The following KIAA1217 variants were observed in gnomAD, a reference collection of about 807,000 sequenced individuals.
KIAA1217 encodes sickle tail protein homolog.
KIAA1217 carries 88 observed loss-of-function variants against 163.9 expected under a neutral mutation model. That is an observed-to-expected ratio of 0.54 (90% CI 0.45 to 0.64). The LOEUF is 0.64. KIAA1217 is among the 30% of genes least tolerant of loss of function. KIAA1217 has a pLI of 0.00. For missense variants in KIAA1217, 2,372 were observed against 2,475.0 expected, an observed-to-expected ratio of 0.96 and a Z score of 0.88; for synonymous variants, 903 against 923.1, an observed-to-expected ratio of 0.98 and a Z score of 0.39.
chr10:23,831,381 C>T (rs1838189789), intron 1 of KIAA1217, among the ~76,000 whole-genome samples: 1 of 151,468 alleles, frequency 6.6e-6, no homozygotes, highest in Admixed American at 6.6e-5. Context: ...GGCAAATGAA[C>T]CATACATCCA....
chr10:24,274,348 C>G (rs1394411420), intron 2 of KIAA1217, among the ~76,000 whole-genome samples: 1 of 150,286 alleles, frequency 6.7e-6, no homozygotes, highest in African/African-American at 2.5e-5. Context: ...CCAAGTCCAG[C>G]TAATTTTTTT....
intron 1 of KIAA1217, among the ~76,000 whole-genome samples, chr10:23,778,582 C>T (rs1209046089): frequency 1.3e-5 from 2 of 152,112 alleles, no homozygotes; most frequent in Non-Finnish European, 2.9e-5. Context: ...ATCTTATGTG[C>T]TTGGTTAGGG....
intron 2 of KIAA1217, among the ~76,000 whole-genome samples, chr10:24,084,512 A>G (rs757860508): frequency 1.4e-4 from 21 of 152,248 alleles, no homozygotes; most frequent in Non-Finnish European, 2.4e-4. Flanking sequence ...AGCCATGAAA[A>G]TGAATGAGAT....
chr10:23,925,240 G>T (rs1452591814), intron 1 of KIAA1217, among the ~76,000 whole-genome samples: 3 of 152,126 alleles, frequency 2.0e-5, no homozygotes, highest in Admixed American at 6.5e-5. Context: ...ACTTACAAAG[G>T]CTGGCAATTT....
chr10:23,730,532 A>C (rs1205823010), intron 1 of KIAA1217, among the ~76,000 whole-genome samples: 1 of 152,122 alleles, frequency 6.6e-6, no homozygotes, highest in Non-Finnish European at 1.5e-5. Flanking sequence ...CTACAAAATA[A>C]TTTGCTAGGA....
At chr10:23,740,145 G>T (rs544823356) in intron 1 of KIAA1217, among the ~76,000 whole-genome samples, 10 of 152,152 alleles carry the variant, frequency 6.6e-5, no homozygotes, top group Non-Finnish European at 1.2e-4. Context: ...CTGGAGAAAT[G>T]ATATGAGATT....
At chr10:24,237,415 C>T (rs2072439683) in intron 2 of KIAA1217, among the ~76,000 whole-genome samples, 1 of 152,194 alleles carries the variant, frequency 6.6e-6, no homozygotes, top group Non-Finnish European at 1.5e-5. Context: ...GTTGCTTTCC[C>T]ATCTGAATTC....
chr10:23,934,625 A>ATTT lies in KIAA1217; in HGVS notation c.-320-72592_-320-72590dup, dbSNP rs1183009109. On this transcript the variant is annotated intron_variant, in intron 1 of 18. Coordinates refer to the KIAA1217 transcript ENST00000376462. ...TATATATGTATATATATATATATAT[A>ATTT]TTTTTTTTTTGAGACGGAGTCTCGC... 4.7e-4 allele frequency among the ~76,000 whole-genome samples: 32 copies of ATTT among 68,544 alleles called. 5 individuals are homozygous for ATTT. Among genetic ancestry groups the ATTT allele is most frequent in the African/African-American group, 2.5e-3 (27 of 10,844 alleles). The allele number at this position is 68,544 out of a possible 152,430, so 45.0% of individuals were successfully genotyped here.
chr10:24,269,656 TG>T (rs2076587075), intron 2 of KIAA1217, among the ~76,000 whole-genome samples: 1 of 152,026 alleles, frequency 6.6e-6, no homozygotes, highest in Non-Finnish European at 1.5e-5. Context: ...GCAAAATGAG[TG>T]GGGTTGGTTT....
intron 1 of KIAA1217, among the ~76,000 whole-genome samples, chr10:23,943,650 C>A (rs1452283928): frequency 6.6e-6 from 1 of 152,142 alleles, no homozygotes; most frequent in Non-Finnish European, 1.5e-5. Flanking sequence ...TATTGAGAAT[C>A]AAAGGTCCTA....
At chr10:23,877,507 A>G (rs1840750971) in intron 1 of KIAA1217, 1 of 151,626 alleles carries the variant, frequency 6.6e-6, no homozygotes, top group South Asian at 2.1e-4. Context: ...TGAGTGAGAC[A>G]ACGTCATAAT....
At chr10:24,378,003 T>C (rs1391525480) in intron 2 of KIAA1217, among the ~76,000 whole-genome samples, 1 of 152,152 alleles carries the variant, frequency 6.6e-6, no homozygotes, top group Non-Finnish European at 1.5e-5. Context: ...ATGGCTGCTG[T>C]CTTATCTTTT....
At chr10:24,107,324 GA>G (rs1347576416) in intron 2 of KIAA1217, among the ~76,000 whole-genome samples, 2 of 152,224 alleles carry the variant, frequency 1.3e-5, no homozygotes, top group South Asian at 4.1e-4. Context: ...TCACTATTGT[GA>G]ATAGTGCTGT....
intron 1 of KIAA1217, among the ~76,000 whole-genome samples, chr10:23,778,001 G>A (rs1835080664): frequency 6.6e-6 from 1 of 151,966 alleles, no homozygotes; most frequent in Admixed American, 6.6e-5. Flanking sequence ...GGAGTGCAGT[G>A]GTGTGATCTC....
chr10:23,747,489 T>A (rs1839475202), intron 1 of KIAA1217, among the ~76,000 whole-genome samples: 3 of 151,916 alleles, frequency 2.0e-5, no homozygotes, highest in Admixed American at 1.3e-4. Context: ...GGAAATATGC[T>A]CCCACATGAC....
At chr10:24,456,036 C>T (rs2061755029) in intron 5 of KIAA1217, among the ~76,000 whole-genome samples, 1 of 152,096 alleles carries the variant, frequency 6.6e-6, no homozygotes, top group Non-Finnish European at 1.5e-5. Flanking sequence ...AAGGCGTATG[C>T]CACCCCACCA....
chr10:24,085,417 G>C (rs911593353), intron 2 of KIAA1217, among the ~76,000 whole-genome samples: 3 of 152,138 alleles, frequency 2.0e-5, no homozygotes, highest in Non-Finnish European at 2.9e-5. Context: ...AATTGTTCAG[G>C]AGATGTGAAA....
chr10:23,842,598 T>G (rs1451098271), intron 1 of KIAA1217, among the ~76,000 whole-genome samples: 1 of 152,092 alleles, frequency 6.6e-6, no homozygotes, highest in Non-Finnish European at 1.5e-5. Flanking sequence ...AATCCTGAAC[T>G]GAACTACTTC....
chr10:23,738,981 T>C (rs1257267887), intron 1 of KIAA1217, among the ~76,000 whole-genome samples: 14 of 152,144 alleles, frequency 9.2e-5, no homozygotes, highest in Admixed American at 9.2e-4. Flanking sequence ...TTGGATCAGG[T>C]GCATGGGTTG....
Sources: allele counts gnomAD v4.1 joint callset (sites outside exome capture counted in the v4.1 genomes callset), GRCh38; gene constraint gnomAD v4.1.1; transcripts MANE v1.5; gene names NCBI Gene and HGNC (gene_info 2026-07-23, HGNC 2026-07-21).